Variants in CADM3 observed in about 807,000 individuals in gnomAD.
The protein encoded by CADM3 is TSLC1-like 1.
Under a neutral mutation model 44.9 loss-of-function variants are expected in CADM3, and 11 were observed. The observed-to-expected ratio is 0.25, with a 90% CI of 0.15 to 0.41. The LOEUF (loss-of-function observed/expected upper bound fraction) is 0.41, where lower values mean the gene tolerates loss of function less well. Among genes scored for constraint, CADM3 ranks in the 10% least tolerant of loss-of-function variants. The pLI, the probability that CADM3 is intolerant of heterozygous loss-of-function variation, is 1.00. For missense variants in CADM3, 426 were observed against 512.0 expected, an observed-to-expected ratio of 0.83 and a Z score of 1.62; for synonymous variants, 207 against 205.2, an observed-to-expected ratio of 1.01 and a Z score of -0.08.
intron 1 of CADM3, among the ~76,000 whole-genome samples, chr1:159,186,814 G>A (rs1244296296): frequency 1.3e-5 from 2 of 151,986 alleles, no homozygotes; most frequent in Admixed American, 6.5e-5. Context: ...CACCCCTGGG[G>A]GAAGAAAAAA....
intron 1 of CADM3, among the ~76,000 whole-genome samples, chr1:159,172,881 C>A (rs910382477): frequency 6.6e-6 from 1 of 152,080 alleles, no homozygotes; most frequent in Non-Finnish European, 1.5e-5. Context: ...AGGCTACTAA[C>A]GGTTAGTGGG....
chr1:159,200,791 T>C lies in CADM3; in HGVS notation c.1079-13T>C. On this transcript the variant is annotated splice_polypyrimidine_tract_variant and intron_variant, in intron 8 of 8. Transcript: ENST00000368125. ...AGCTGCTCCTGAGAGGAGAAGCCTC[T>C]GTCTCTACACAGGAACCTACCTGAC... is the stretch of plus-strand genomic sequence containing the variant. The C allele has an allele frequency of 6.4e-7, 1 of 1,570,068 alleles. No individual in the cohort carries two copies. Among genetic ancestry groups the C allele is most frequent in the South Asian group, 1.2e-5 (1 of 85,210 alleles).
intron 1 of CADM3, among the ~76,000 whole-genome samples, chr1:159,190,732 G>GA (rs1478666174): frequency 6.6e-6 from 1 of 152,226 alleles, no homozygotes; most frequent in African/African-American, 2.4e-5. Flanking sequence ...CAGTAACCAA[G>GA]AAAGGAATAA....
At position 159,197,063 on chromosome 1, in the gene CADM3, A is replaced by G. The variant is rs200743661; in HGVS notation, c.952+3A>G. 3 of 1,613,284 alleles carry G rather than the reference A, an allele frequency of 1.9e-6. No homozygotes were observed. The highest frequency in any genetic ancestry group is 8.5e-7 in the Non-Finnish European group (1 of 1,179,340). On this transcript the variant is annotated splice_donor_region_variant and intron_variant, in intron 7 of 8. Transcript: ENST00000368125. Reference sequence around the variant, plus strand: ...CTACTACACCCTCAATGTTAATGGTAAGCCCTCCTCAGTTCTCTTCCTCCA... The same window carrying G: ...CTACTACACCCTCAATGTTAATGGTGAGCCCTCCTCAGTTCTCTTCCTCCA...
At chr1:159,189,586 C>T (rs557352805) in intron 1 of CADM3, among the ~76,000 whole-genome samples, 152 of 152,300 alleles carry the variant, frequency 1.0e-3, no homozygotes, top group Non-Finnish European at 1.7e-3. Flanking sequence ...GAAAAAGTCA[C>T]TTCCTTTTTC....
chr1:159,172,367 C>G (rs1057457770), intron 1 of CADM3, among the ~76,000 whole-genome samples: 2 of 152,128 alleles, frequency 1.3e-5, no homozygotes, highest in Admixed American at 1.3e-4. Context: ...CTCCCCCGCC[C>G]GTCCCCCACC....
rs1319963831 is a variant in CADM3 at position 159,202,697 on chromosome 1, A to C, written c.*1775A>C. 6.6e-6 allele frequency: 1 copy of C among 152,110 alleles called. No individual in the cohort carries two copies. The highest frequency in any genetic ancestry group is 1.5e-5 in the Non-Finnish European group (1 of 68,094). The allele number at this position is 152,110 out of a possible 1,614,324, so 9.4% of individuals were successfully genotyped here. A position where few individuals can be genotyped will look rare whatever the true frequency, so the allele number is the denominator to read the frequency against. On this transcript the variant is annotated 3_prime_UTR_variant, in exon 9 of 9. Coordinates refer to ENST00000368125, the MANE Select transcript of CADM3 (RefSeq NM_001127173.3). ...CCCCCAGCTTTTCCTCCCTGGTCTG[A>C]CAATGGGCATGCAAAAAGGGGCAGC... is the stretch of plus-strand genomic sequence containing the variant.
intron 4 of CADM3, 71 bp from the exon 5 acceptor site, chr1:159,193,799 A>G (rs762420376): frequency 1.3e-6 from 2 of 1,576,442 alleles, no homozygotes; most frequent in South Asian, 2.3e-5. Flanking sequence ...CCCACATGAT[A>G]TCTGTATGTT....
chr1:159,179,850 T>C (rs757772008), intron 1 of CADM3, among the ~76,000 whole-genome samples: 7 of 152,190 alleles, frequency 4.6e-5, no homozygotes, highest in Non-Finnish European at 1.0e-4. Context: ...AGTGAAACAA[T>C]TGCACTCACT....
In CADM3 at chr1:159,201,025, G is replaced by A. The variant is rs1413682585; in HGVS notation, c.*103G>A. ...GAGCAACCGCAGGGCCGCCCCTCCC[G>A]CTTGCTCCCCAGCCCACCCACCCCC... On this transcript the variant is annotated 3_prime_UTR_variant, in exon 9 of 9. Coordinates refer to ENST00000368125, the MANE Select transcript of CADM3 (RefSeq NM_001127173.3). 68 of 678,584 alleles carry A rather than the reference G, an allele frequency of 1.0e-4. No individual in the cohort carries two copies. The highest frequency in any genetic ancestry group is 1.3e-4 in the Non-Finnish European group (58 of 432,728). The allele number at this position is 678,584 out of a possible 1,614,324, so 42.0% of individuals were successfully genotyped here. A position where few individuals can be genotyped will look rare whatever the true frequency, so the allele number is the denominator to read the frequency against.
chr1:159,200,703 T>C (rs941901271), intron 8 of CADM3, 101 bp from the exon 9 acceptor site: 9 of 778,702 alleles, frequency 1.2e-5, no homozygotes, highest in African/African-American at 1.8e-5. Context: ...AAGAGAAAAA[T>C]TACTTGAGCA....
chr1:159,179,530 C>A (rs1217248480), intron 1 of CADM3, among the ~76,000 whole-genome samples: 2 of 152,344 alleles, frequency 1.3e-5, no homozygotes, highest in African/African-American at 4.8e-5. Flanking sequence ...TTATTCATTT[C>A]TCCCCTTTCT....
chr1:159,173,137 C>T (rs1467094270), intron 1 of CADM3, among the ~76,000 whole-genome samples: 4 of 148,270 alleles, frequency 2.7e-5, no homozygotes, highest in Non-Finnish European at 5.9e-5. Flanking sequence ...CAGATGCCAA[C>T]GAAAAACAGA....
At chr1:159,193,395 T>C (rs759378608) in intron 3 of CADM3, 28 bp from the exon 4 acceptor site, 2 of 1,567,058 alleles carry the variant, frequency 1.3e-6, no homozygotes, top group East Asian at 4.5e-5. Flanking sequence ...CTCTCCTTCC[T>C]ATCCTGGCCA....
chr1:159,199,921 G>A (rs1221166983), intron 8 of CADM3, 45 bp downstream of exon 8: 1 of 1,602,478 alleles, frequency 6.2e-7, no homozygotes, highest in East Asian at 2.2e-5. Context: ...GGAGGGGCAG[G>A]GAGACCAATC....
intron 4 of CADM3, 50 bp downstream of exon 4, chr1:159,193,610 G>A (rs1164748827): frequency 9.3e-6 from 15 of 1,612,256 alleles, no homozygotes; most frequent in Non-Finnish European, 1.2e-5. Context: ...GCTGGAAAGA[G>A]AGAGAAGTGC....
Position 159,201,095 on chromosome 1 carries a change from G to T in CADM3, c.*173G>T. On this transcript the variant is annotated 3_prime_UTR_variant, in exon 9 of 9. Transcript: ENST00000368125. ...TGGGTGCGGTTTTGTACTCGGTTTG[G>T]AATGGGGAGGGAGGAGGGCGGGGGG... 5.5e-6 allele frequency: 1 copy of T among 180,876 alleles called. No homozygotes were observed. The allele number at this position is 180,876 out of a possible 1,614,324, so 11.2% of individuals were successfully genotyped here. A position where few individuals can be genotyped will look rare whatever the true frequency, so the allele number is the denominator to read the frequency against.
intron 7 of CADM3, 51 bp from the exon 8 acceptor site, chr1:159,199,700 A>G: frequency 1.2e-6 from 2 of 1,613,460 alleles, no homozygotes; most frequent in Non-Finnish European, 1.7e-6. Flanking sequence ...GGAATGCTAT[A>G]AGATAAGGGC....
intron 1 of CADM3, chr1:159,178,639 A>T (rs1309097533): frequency 1.3e-5 from 2 of 152,198 alleles, no homozygotes; most frequent in East Asian, 3.8e-4. Flanking sequence ...CTTTAAATAT[A>T]ACCATCTTCT....
Sources: allele counts gnomAD v4.1 joint callset (sites outside exome capture counted in the v4.1 genomes callset), GRCh38; gene constraint gnomAD v4.1.1; transcripts MANE v1.5; gene names NCBI Gene and HGNC (gene_info 2026-07-23, HGNC 2026-07-21).